The following NDUFA12 variants were observed in gnomAD, a reference collection of about 807,000 sequenced individuals.
The protein encoded by NDUFA12 is NADH dehydrogenase [ubiquinone] 1 alpha subcomplex subunit 12.
NDUFA12 carries 17 observed loss-of-function variants against 20.3 expected under a neutral mutation model. The observed-to-expected ratio is 0.84, with a 90% CI of 0.57 to 1.26. The LOEUF is 1.26. NDUFA12 is among the 50% of genes most tolerant of loss of function. NDUFA12 has a pLI of 0.00. For missense variants in NDUFA12, 191 were observed against 183.7 expected, an observed-to-expected ratio of 1.04 and a Z score of -0.23; for synonymous variants, 72 against 63.6, an observed-to-expected ratio of 1.13 and a Z score of -0.63.
chr12:95,000,529 A>G (rs1288856131), intron 2 of NDUFA12, among the ~76,000 whole-genome samples: 1 of 152,262 alleles, frequency 6.6e-6, no homozygotes, highest in Non-Finnish European at 1.5e-5. Flanking sequence ...CCCTAATCAC[A>G]GTAAGTTCCT....
At chr12:94,979,267 C>G (rs1490199912) in intron 3 of NDUFA12, among the ~76,000 whole-genome samples, 1 of 152,156 alleles carries the variant, frequency 6.6e-6, no homozygotes, top group Non-Finnish European at 1.5e-5. Context: ...AACATTCTTT[C>G]TCTACCCAAA....
chr12:94,988,293 T>C (rs931337230), intron 3 of NDUFA12, among the ~76,000 whole-genome samples: 1 of 152,210 alleles, frequency 6.6e-6, no homozygotes, highest in Non-Finnish European at 1.5e-5. Context: ...TCCTGATATT[T>C]ATGGTCATAT....
chr12:94,973,735 A>C (rs1873965269), intron 3 of NDUFA12, among the ~76,000 whole-genome samples: 1 of 152,130 alleles, frequency 6.6e-6, no homozygotes, highest in African/African-American at 2.4e-5. Context: ...CAATACACAA[A>C]ATCTGAAAAT....
At chr12:94,999,553 G>A (rs1448588075) in intron 2 of NDUFA12, among the ~76,000 whole-genome samples, 1 of 152,084 alleles carries the variant, frequency 6.6e-6, no homozygotes, top group Non-Finnish European at 1.5e-5. Context: ...CCACAAAGTG[G>A]GAGAAAATAT....
chr12:95,002,437 CAAAAAAAA>C (rs71075895), intron 2 of NDUFA12, among the ~76,000 whole-genome samples: 1 of 63,624 alleles, frequency 1.6e-5, no homozygotes, highest in South Asian at 7.5e-4. Flanking sequence ...GACTCCATCT[CAAAAAAAA>C]AAAAAAAAAA....
At position 94,991,363 on chromosome 12, in the gene NDUFA12, C is replaced by T. The variant is rs1302390520; in HGVS notation, c.257+2807G>A. Among the ~76,000 whole-genome samples, 8 of 151,902 alleles carry T rather than the reference C, an allele frequency of 5.3e-5. No homozygotes were observed. In the East Asian group the frequency reaches 5.8e-4, roughly 11 times the overall value. ...GGACAGGGCAGATAAAGAACACTTC[C>T]GTCATTGTGAAAAGTTCTGCTAGAT... On this transcript the variant is annotated intron_variant, in intron 3 of 3. Coordinates refer to ENST00000327772, the MANE Select transcript of NDUFA12 (RefSeq NM_018838.5).
intron 1 of NDUFA12, 111 bp downstream of exon 1, chr12:95,003,484 T>C (rs746808623): frequency 1.2e-5 from 14 of 1,196,898 alleles, no homozygotes; most frequent in East Asian, 2.3e-5. Context: ...GCGGTTGTCC[T>C]TGACAAGAGC....
chr12:94,977,261 C>A (rs1188096563), intron 3 of NDUFA12, among the ~76,000 whole-genome samples: 1 of 152,068 alleles, frequency 6.6e-6, no homozygotes, highest in Non-Finnish European at 1.5e-5. Flanking sequence ...CTTTGGGAGG[C>A]CAAGGTTGGA....
At chr12:95,002,239 A>G (rs1327704898) in intron 2 of NDUFA12, among the ~76,000 whole-genome samples, 1 of 151,042 alleles carries the variant, frequency 6.6e-6, no homozygotes, top group East Asian at 2.0e-4. Flanking sequence ...CAGGAGTTCA[A>G]GACCAGCCTG....
At chr12:94,984,047 G>C (rs1874327777) in intron 3 of NDUFA12, among the ~76,000 whole-genome samples, 1 of 152,008 alleles carries the variant, frequency 6.6e-6, no homozygotes, top group African/African-American at 2.4e-5. Context: ...GAAGTCCAGT[G>C]GGGGAGGGGG....
At chr12:94,980,301 TACAAG>T (rs1874194616) in intron 3 of NDUFA12, among the ~76,000 whole-genome samples, 2 of 152,178 alleles carry the variant, frequency 1.3e-5, no homozygotes, top group African/African-American at 4.8e-5. Flanking sequence ...CCCGCCCTTC[TACAAG>T]TCTTCTCATC....
chr12:94,972,149 A>G (rs1186880083), intron 3 of NDUFA12, among the ~76,000 whole-genome samples: 1 of 152,004 alleles, frequency 6.6e-6, no homozygotes, highest in Admixed American at 6.6e-5. Context: ...GCTGATCTCA[A>G]ACTTCTGAGC....
At chr12:94,991,795 A>G (rs572082787) in intron 3 of NDUFA12, among the ~76,000 whole-genome samples, 1 of 152,232 alleles carries the variant, frequency 6.6e-6, no homozygotes, top group South Asian at 2.1e-4. Flanking sequence ...ACCTTTGAAA[A>G]ATCATCCAGA....
intron 3 of NDUFA12, among the ~76,000 whole-genome samples, chr12:94,984,563 A>C (rs1282145106): frequency 1.3e-5 from 2 of 151,684 alleles, no homozygotes; most frequent in African/African-American, 2.4e-5. Context: ...AAAAAAGCAA[A>C]CAAACACAGG....
At chr12:94,991,099 C>T (rs1874625755) in intron 3 of NDUFA12, among the ~76,000 whole-genome samples, 1 of 152,028 alleles carries the variant, frequency 6.6e-6, no homozygotes, top group African/African-American at 2.4e-5. Flanking sequence ...GCCTGGGCAA[C>T]ATGGCGAAAC....
At chr12:95,000,205 C>A (rs1185090241) in intron 2 of NDUFA12, among the ~76,000 whole-genome samples, 1 of 152,144 alleles carries the variant, frequency 6.6e-6, no homozygotes, top group Non-Finnish European at 1.5e-5. Context: ...GGCCATTATT[C>A]TAAGTGAAGT....
intron 3 of NDUFA12, among the ~76,000 whole-genome samples, chr12:94,977,756 C>T (rs1413242319): frequency 1.3e-5 from 2 of 151,996 alleles, no homozygotes; most frequent in African/African-American, 4.8e-5. Context: ...TGCAGAAATA[C>T]TATGTGGTAG....
At chr12:94,984,675 T>C (rs1480340241) in intron 3 of NDUFA12, among the ~76,000 whole-genome samples, 3 of 128,556 alleles carry the variant, frequency 2.3e-5, no homozygotes, top group Admixed American at 2.0e-4. Flanking sequence ...CCAAGAATGA[T>C]GAAGACTTTT....
rs550196887 is a variant in NDUFA12 at position 94,995,673 on chromosome 12, A to G, written c.170-1416T>C. ...CTCAGCCTCCCGAGTAGCTGGGACC[A>G]TAGGCATGTGCCACCATGCCTGGCT... On this transcript the variant is annotated intron_variant, in intron 2 of 3. Transcript: ENST00000327772. Among the ~76,000 whole-genome samples, 33 of 152,228 alleles carry G rather than the reference A, an allele frequency of 2.2e-4. No homozygotes were observed. The East Asian group carries it at 5.4e-3, about 25-fold the overall frequency.
Sources: allele counts gnomAD v4.1 joint callset (sites outside exome capture counted in the v4.1 genomes callset), GRCh38; gene constraint gnomAD v4.1.1; transcripts MANE v1.5; gene names NCBI Gene and HGNC (gene_info 2026-07-23, HGNC 2026-07-21).